CREBZF: variants seen among roughly 807,000 people sequenced by gnomAD.
CREBZF encodes the protein CREB/ATF bZIP transcription factor.
A neutral mutation model predicts 21.1 loss-of-function variants in CREBZF; 8 were observed. That is an observed-to-expected ratio of 0.38 (90% CI 0.22 to 0.68). The LOEUF (loss-of-function observed/expected upper bound fraction) is 0.68, where lower values mean the gene tolerates loss of function less well. CREBZF is among the 30% of genes least tolerant of loss of function. The pLI, the probability that CREBZF is intolerant of heterozygous loss-of-function variation, is 0.51. For missense variants in CREBZF, 518 were observed against 484.3 expected, an observed-to-expected ratio of 1.07 and a Z score of -0.65; for synonymous variants, 270 against 223.3, an observed-to-expected ratio of 1.21 and a Z score of -1.86.
chr11:85,664,212 G>A lies in CREBZF; in HGVS notation c.664C>T (p.Arg222Ter). 1 of 1,613,112 alleles carries A rather than the reference G, an allele frequency of 6.2e-7. No individual in the cohort carries two copies. The highest frequency in any genetic ancestry group is 8.5e-7 in the Non-Finnish European group (1 of 1,179,916). The change falls in exon 1 of 1, where the codon CGA becomes TGA. Residue 222 changes from arginine (R) to a stop codon, truncating the protein, a stop_gained. Coordinates refer to ENST00000527447, the MANE Select transcript of CREBZF (RefSeq NM_001039618.4). LOFTEE classifies it high-confidence loss of function. This position sits in a 1 kb window ranked among gnomAD's most constrained non-coding sequence, Gnocchi z 5.5. ...ATCACGTACTCCTTCTTCTTCAGTCGATTAAGGCGGGCAGCGGCCGCCGCC... is the reference window on the plus strand; with the variant it reads ...ATCACGTACTCCTTCTTCTTCAGTCAATTAAGGCGGGCAGCGGCCGCCGCC... ...KAAAAAARLN[R>*]LKKKEYVMGL...
upstream of CREBZF, among the ~76,000 whole-genome samples, chr11:85,665,298 C>T (rs894460588): frequency 6.6e-6 from 1 of 152,118 alleles, no homozygotes; most frequent in African/African-American, 2.4e-5. Flanking sequence ...AATTCAATAC[C>T]ACCCAATACC....
In CREBZF at chr11:85,664,044, C is replaced by T. The variant is rs2082770565; in HGVS notation, c.832G>A (p.Ala278Thr). 1.9e-6 allele frequency: 3 copies of T among 1,613,510 alleles called. No homozygotes were observed. In the African/African-American group the frequency reaches 4.0e-5, roughly 22 times the overall value. Reference sequence around the variant, plus strand: ...CCGCTCAGCCGGCTCAGCAAGCGAGCCAGTCCAGTCTCGTTGGCTAAGACT... The same window carrying T: ...CCGCTCAGCCGGCTCAGCAAGCGAGTCAGTCCAGTCTCGTTGGCTAAGACT... ...RAVLANETGLARLLSRLSGVG... is the reference protein window; with the variant it reads ...RAVLANETGLTRLLSRLSGVG... Residue 278 changes from alanine (A) to threonine (T), a missense_variant, in exon 1 of 1, where the codon GCT (alanine) becomes ACT (threonine). Physicochemically the swap from Ala to Thr is moderately conservative, Grantham distance 58. Transcript: ENST00000527447. This position sits in a 1 kb window ranked among gnomAD's most constrained non-coding sequence, Gnocchi z 5.5.
rs1484794860 is a variant in CREBZF at position 85,659,905 on chromosome 11, C to T, written c.*3906G>A. ...AATATTCAGAAAACAGTATCAAGTACTCAAGAGAAAGCTCAAGAAGCCAAA... is the reference window on the plus strand; with the variant it reads ...AATATTCAGAAAACAGTATCAAGTATTCAAGAGAAAGCTCAAGAAGCCAAA... On this transcript the variant is annotated 3_prime_UTR_variant, in exon 1 of 1. Coordinates refer to ENST00000527447, the MANE Select transcript of CREBZF (RefSeq NM_001039618.4). The T allele has an allele frequency of 6.6e-6, 1 of 151,968 alleles. No individual in the cohort carries two copies. Among genetic ancestry groups the T allele is most frequent in the East Asian group, 1.9e-4 (1 of 5,204 alleles). The allele number at this position is 151,968 out of a possible 1,614,324, so 9.4% of individuals were successfully genotyped here.
upstream of CREBZF, among the ~76,000 whole-genome samples, chr11:85,665,780 A>G (rs2082852017): frequency 6.6e-6 from 1 of 152,226 alleles, no homozygotes; most frequent in Non-Finnish European, 1.5e-5. Flanking sequence ...AAATCCAATC[A>G]GTACTGACTT....
At chr11:85,671,058 T>C (rs1398404886) in intron 1 of CREBZF, among the ~76,000 whole-genome samples, 1 of 152,142 alleles carries the variant, frequency 6.6e-6, no homozygotes, top group Non-Finnish European at 1.5e-5. Flanking sequence ...TGCTCAACAC[T>C]GGGTAATTTA....
rs969009707 is a variant in CREBZF, at chr11:85,660,640, A to C, written c.*3171T>G. On this transcript the variant is annotated 3_prime_UTR_variant, in exon 1 of 1. Transcript: ENST00000527447. ...AGAGAGATTAATTTAGTGATTATAAAATGCACAAATATTTAAAATATTTTG... is the reference window on the plus strand; with the variant it reads ...AGAGAGATTAATTTAGTGATTATAACATGCACAAATATTTAAAATATTTTG... The C allele has an allele frequency of 1.1e-5, 5 of 451,628 alleles. No homozygotes were observed. Among genetic ancestry groups the C allele is most frequent in the African/African-American group, 1.0e-4 (5 of 49,712 alleles). The allele number at this position is 451,628 out of a possible 1,614,324, so 28.0% of individuals were successfully genotyped here.
At chr11:85,670,689 G>A (rs2082906056) in intron 1 of CREBZF, among the ~76,000 whole-genome samples, 1 of 152,110 alleles carries the variant, frequency 6.6e-6, no homozygotes, top group African/African-American at 2.4e-5. Context: ...TTTTTCAGCT[G>A]GAGCACCAGA....
Position 85,664,971 on chromosome 11 carries a change from C to G in CREBZF, c.-96G>C. On this transcript the variant is annotated 5_prime_UTR_variant, in exon 1 of 1. Transcript: ENST00000527447. The surrounding 1 kb of genome is among the most constrained non-coding windows in gnomAD (Gnocchi z 5.5). ...GCCCCAGGGCGGGTAGCCCCCGGCA[C>G]TGGCCGAAACGAAATGCAGGGAAAG... 1.2e-6 allele frequency: 1 copy of G among 833,216 alleles called. No individual in the cohort carries two copies. Among genetic ancestry groups the G allele is most frequent in the Non-Finnish European group, 1.7e-6 (1 of 594,448 alleles). 51.6% of individuals were successfully genotyped at this position (833,216 alleles called of 1,614,324 possible).
Position 85,662,588 on chromosome 11 carries a change from G to C in CREBZF, c.*1223C>G. The stretch of plus-strand genomic sequence containing the variant: ...ATTCAATTTATACAACTGGTTAATA[G>C]ATTCAAGGGAATAAATCCCACCTTA... On this transcript the variant is annotated 3_prime_UTR_variant, in exon 1 of 1. Transcript: ENST00000527447. 1.9e-6 allele frequency: 1 copy of C among 537,664 alleles called. No homozygotes were observed. Among genetic ancestry groups the C allele is most frequent in the Non-Finnish European group, 3.4e-6 (1 of 294,492 alleles). 33.3% of individuals were successfully genotyped at this position (537,664 alleles called of 1,614,324 possible). A position where few individuals can be genotyped will look rare whatever the true frequency, so the allele number is the denominator to read the frequency against.
intron 1 of CREBZF, among the ~76,000 whole-genome samples, chr11:85,677,258 C>A (rs1345359114): frequency 1.3e-5 from 2 of 152,128 alleles, no homozygotes; most frequent in South Asian, 4.1e-4. Context: ...AGCCACCACA[C>A]CCGGCTTAAG....
At chr11:85,672,174 G>A (rs1020056580) in intron 1 of CREBZF, among the ~76,000 whole-genome samples, 4 of 152,278 alleles carry the variant, frequency 2.6e-5, no homozygotes, top group African/African-American at 9.6e-5. Flanking sequence ...CATAGCCTGA[G>A]CTGTGCCTTG....
At chr11:85,672,991 T>C (rs2082922002) in intron 1 of CREBZF, among the ~76,000 whole-genome samples, 1 of 152,188 alleles carries the variant, frequency 6.6e-6, no homozygotes, top group African/African-American at 2.4e-5. Flanking sequence ...GCAGCTACAA[T>C]GGCCAAAGGA....
At chr11:85,672,390 C>G (rs1003345997) in intron 1 of CREBZF, among the ~76,000 whole-genome samples, 1 of 152,246 alleles carries the variant, frequency 6.6e-6, no homozygotes, top group Non-Finnish European at 1.5e-5. Flanking sequence ...TGTTGCTCTT[C>G]GTTACTTATG....
In CREBZF at chr11:85,664,459, G is replaced by A. The variant is rs200374697; in HGVS notation, c.417C>T (p.Ser139=). The stretch of plus-strand genomic sequence containing the variant: ...CATCGTCCCCTCTCCACAGGCCGCC[G>A]CTATCCGAGCCTCCGCCAGACGAGG... The part of the protein sequence containing the change: ...PLSSSGGGSD[S]GGLWRGDDDD... The change falls in exon 1 of 1, where the codon AGC becomes AGT. Residue 139 remains serine, a synonymous_variant. Transcript: ENST00000527447. The surrounding 1 kb of genome is among the most constrained non-coding windows in gnomAD (Gnocchi z 5.5). 8.1e-6 allele frequency: 13 copies of A among 1,613,510 alleles called. No homozygotes were observed. The South Asian group carries it at 8.8e-5, about 11-fold the overall frequency.
intron 1 of CREBZF, among the ~76,000 whole-genome samples, chr11:85,681,950 TAAG>T (rs543524423): frequency 3.2e-4 from 48 of 152,278 alleles, no homozygotes; most frequent in African/African-American, 5.3e-4. Context: ...TTAAGGCTCT[TAAG>T]AAGAATAGTT....
chr11:85,663,885 C>T lies in CREBZF; in HGVS notation c.991G>A (p.Val331Met). Residue 331 changes from valine (V) to methionine (M), a missense_variant, in exon 1 of 1, where the codon GTG becomes ATG. By Grantham distance (21) the Val-to-Met change is conservative. Coordinates refer to ENST00000527447, the MANE Select transcript of CREBZF (RefSeq NM_001039618.4). The part of the protein sequence containing the change: ...DDSAGGVCLH[V>M]DKDKVSVEFC... ...TCCACCGACACCTTATCCTTGTCCACATGGAGACAGACTCCTCCCGCCGAG... is the reference window on the plus strand; with the variant it reads ...TCCACCGACACCTTATCCTTGTCCATATGGAGACAGACTCCTCCCGCCGAG... The T allele has an allele frequency of 6.2e-7, 1 of 1,612,714 alleles. No individual in the cohort carries two copies. Among genetic ancestry groups the T allele is most frequent in the Non-Finnish European group, 8.5e-7 (1 of 1,180,002 alleles).
intron 1 of CREBZF, among the ~76,000 whole-genome samples, chr11:85,678,563 C>T (rs1223890642): frequency 2.0e-5 from 3 of 152,118 alleles, no homozygotes; most frequent in Non-Finnish European, 4.4e-5. Context: ...GCCAATATTA[C>T]AACTAACAAA....
intron 1 of CREBZF, among the ~76,000 whole-genome samples, chr11:85,672,928 G>T (rs1334125496): frequency 1.3e-5 from 2 of 152,194 alleles, no homozygotes; most frequent in African/African-American, 4.8e-5. Context: ...CTAGTGAATG[G>T]ACATCGAGAT....
At chr11:85,681,305 C>A (rs949459653) in intron 1 of CREBZF, among the ~76,000 whole-genome samples, 5 of 152,188 alleles carry the variant, frequency 3.3e-5, no homozygotes, top group African/African-American at 9.7e-5. Flanking sequence ...GAACAGCAGG[C>A]ACCTGGGCAG....
Sources: allele counts gnomAD v4.1 joint callset (sites outside exome capture counted in the v4.1 genomes callset), GRCh38; gene constraint gnomAD v4.1.1; non-coding constraint Gnocchi (gnomAD v3.1); transcripts MANE v1.5; gene names NCBI Gene and HGNC (gene_info 2026-07-23, HGNC 2026-07-21).